The following ROBO2 variants were observed in gnomAD, a reference collection of about 807,000 sequenced individuals.
ROBO2 encodes the protein roundabout guidance receptor 2.
A neutral mutation model predicts 160.8 loss-of-function variants in ROBO2; 53 were observed. The observed-to-expected ratio is 0.33, with a 90% CI of 0.26 to 0.41. The LOEUF (loss-of-function observed/expected upper bound fraction) is 0.41, where lower values mean the gene tolerates loss of function less well. Ranked by LOEUF, ROBO2 falls within the 10% of genes least tolerant of loss-of-function variation. ROBO2 has a pLI of 1.00. For synonymous variants in ROBO2, 664 were observed against 611.7 expected, an observed-to-expected ratio of 1.09 and a Z score of -1.26; for missense variants, 1,577 against 1,722.4, an observed-to-expected ratio of 0.92 and a Z score of 1.49.
intron 2 of ROBO2, among the ~76,000 whole-genome samples, chr3:75,992,064 A>G (rs1260872718): frequency 6.6e-6 from 1 of 152,168 alleles, no homozygotes; most frequent in Non-Finnish European, 1.5e-5. Context: ...CAGAGCATAA[A>G]AGTTTGGAAA....
At chr3:77,481,768 G>T (rs2153589501) in intron 4 of ROBO2, among the ~76,000 whole-genome samples, 1 of 152,148 alleles carries the variant, frequency 6.6e-6, no homozygotes, top group African/African-American at 2.4e-5. Context: ...TCAACTTTAA[G>T]AACCAAGGCT....
intron 1 of ROBO2, among the ~76,000 whole-genome samples, chr3:77,084,127 T>C (rs979857451): frequency 3.9e-5 from 6 of 152,064 alleles, no homozygotes; most frequent in Non-Finnish European, 8.8e-5. Context: ...TCAAATATTT[T>C]TTTCTGTTAT....
At chr3:77,503,299 G>A (rs1447116465) in intron 5 of ROBO2, among the ~76,000 whole-genome samples, 2 of 151,490 alleles carry the variant, frequency 1.3e-5, no homozygotes, top group Non-Finnish European at 2.9e-5. Flanking sequence ...GCCGAGGCGG[G>A]CAGATCACGA....
intron 1 of ROBO2, among the ~76,000 whole-genome samples, chr3:77,053,154 T>A (rs1354701644): frequency 6.6e-6 from 1 of 152,178 alleles, no homozygotes; most frequent in South Asian, 2.1e-4. Context: ...AGTTGCATAG[T>A]TAGAAAAGCT....
At chr3:76,682,599 G>A (rs1330457771) in intron 2 of ROBO2, among the ~76,000 whole-genome samples, 1 of 152,008 alleles carries the variant, frequency 6.6e-6, no homozygotes, top group Non-Finnish European at 1.5e-5. Context: ...GTAGAGACGG[G>A]ATTTCACCAT....
chr3:76,318,035 G>A (rs1223427707), intron 2 of ROBO2, among the ~76,000 whole-genome samples: 1 of 151,838 alleles, frequency 6.6e-6, no homozygotes, highest in Non-Finnish European at 1.5e-5. Context: ...TGTCATTAAT[G>A]TATGCTTGTT....
rs563912968 is a variant in ROBO2, at chr3:76,683,989, G to T, written c.110-414025G>T. Among the ~76,000 whole-genome samples the T allele has an allele frequency of 2.4e-4, 37 of 151,968 alleles. No individual in the cohort carries two copies. The South Asian group carries it at 7.7e-3, about 32-fold the overall frequency. On this transcript the variant is annotated intron_variant, in intron 2 of 26. Coordinates refer to the ROBO2 transcript ENST00000487694. ...GTTTCAAGCACTTAGATTCTAGAAA[G>T]ACTTTGCAAATTTGGATTTCCTTTC...
At chr3:77,564,836 TTG>T (rs3832237) in intron 11 of ROBO2, 116 bp from the exon 13 acceptor site, 12,199 of 629,222 alleles carry the variant, frequency 0.019, no homozygotes, top group Non-Finnish European at 0.022. Flanking sequence ...ACTTCAAGTG[TTG>T]TGTGTGTGTG....
At chr3:76,526,483 TTTTG>T (rs1490631625) in intron 2 of ROBO2, among the ~76,000 whole-genome samples, 4 of 152,102 alleles carry the variant, frequency 2.6e-5, no homozygotes, top group Non-Finnish European at 5.9e-5. Context: ...GATTTTGTTG[TTTTG>T]TTTAATTTTG....
chr3:76,727,460 T>G (rs1560453451), intron 2 of ROBO2, among the ~76,000 whole-genome samples: 1 of 152,292 alleles, frequency 6.6e-6, no homozygotes, highest in East Asian at 1.9e-4. Flanking sequence ...TTTATTTTCA[T>G]TCATTCAACA....
At chr3:77,333,797 C>G (rs1193254077) in intron 2 of ROBO2, among the ~76,000 whole-genome samples, 1 of 152,068 alleles carries the variant, frequency 6.6e-6, no homozygotes, top group East Asian at 1.9e-4. Context: ...TTACTTATAG[C>G]TTAGGTTGGG....
At chr3:75,937,672 G>C (rs1947847100) in intron 2 of ROBO2, 1 of 991,052 alleles carries the variant, frequency 1.0e-6, no homozygotes. Flanking sequence ...TATTATGTGA[G>C]TCTTTGGTTC....
intron 2 of ROBO2, among the ~76,000 whole-genome samples, chr3:76,282,859 A>G (rs1049607755): frequency 6.6e-6 from 1 of 151,814 alleles, no homozygotes; most frequent in Non-Finnish European, 1.5e-5. Context: ...ACACATACTT[A>G]TGCATATAAA....
intron 2 of ROBO2, among the ~76,000 whole-genome samples, chr3:76,748,166 A>G (rs2093923676): frequency 6.6e-6 from 1 of 151,900 alleles, no homozygotes; most frequent in Admixed American, 6.6e-5. Flanking sequence ...ATGTGGCAGC[A>G]TTTTTACTCT....
chr3:76,002,560 T>C (rs547265126), intron 2 of ROBO2, among the ~76,000 whole-genome samples: 1 of 152,156 alleles, frequency 6.6e-6, no homozygotes, highest in Non-Finnish European at 1.5e-5. Flanking sequence ...TTTTGCTTGG[T>C]TCTCATTTTC....
chr3:76,412,447 G>A (rs948150275), intron 2 of ROBO2, among the ~76,000 whole-genome samples: 1 of 152,146 alleles, frequency 6.6e-6, no homozygotes, highest in Admixed American at 6.5e-5. Context: ...CAGTCCAAAT[G>A]TTCATCTGGG....
At chr3:77,357,979 CA>C in intron 2 of ROBO2, among the ~76,000 whole-genome samples, 1 of 152,248 alleles carries the variant, frequency 6.6e-6, no homozygotes, top group Non-Finnish European at 1.5e-5. Flanking sequence ...AAGAAAGAAA[CA>C]GTGTCTTCTC....
intron 2 of ROBO2, among the ~76,000 whole-genome samples, chr3:77,111,647 AG>A (rs1424874632): frequency 6.6e-6 from 1 of 151,974 alleles, no homozygotes; most frequent in African/African-American, 2.4e-5. Context: ...GCAGTTTTTT[AG>A]TTTAAGGATA....
intron 6 of ROBO2, among the ~76,000 whole-genome samples, chr3:77,531,941 T>G (rs1317654964): frequency 1.3e-5 from 2 of 152,140 alleles, no homozygotes; most frequent in African/African-American, 4.8e-5. Context: ...AGAGTCCCAT[T>G]TACTTATTAT....
Sources: gnomAD v4.1 joint callset for allele counts (sites outside exome capture counted in the v4.1 genomes callset) on GRCh38, gnomAD v4.1.1 for gene constraint, MANE v1.5 for transcripts, NCBI Gene and HGNC (gene_info 2026-07-23, HGNC 2026-07-21) for gene names.